The following ZNF131 variants were observed in gnomAD, a reference collection of about 807,000 sequenced individuals.
ZNF131 encodes zinc finger protein 131.
ZNF131 carries 7 observed loss-of-function variants against 60.0 expected under a neutral mutation model. The ratio of observed to expected loss-of-function variants is 0.12; its 90% CI spans 0.07 to 0.22. The LOEUF (loss-of-function observed/expected upper bound fraction) is 0.22. ZNF131 is among the 10% of genes least tolerant of loss of function. ZNF131 has a pLI of 1.00. For synonymous variants in ZNF131, 257 were observed against 253.2 expected (o/e 1.01, Z -0.14); for missense variants, 493 against 740.9 (o/e 0.67, Z 3.88).
At chr5:43,122,542 G>T (rs1171075806) in intron 2 of ZNF131, among the ~76,000 whole-genome samples, 7 of 152,122 alleles carry the variant, frequency 4.6e-5, no homozygotes, top group Admixed American at 4.6e-4. Flanking sequence ...TTTGGGAAGT[G>T]TTGATTTTTT....
chr5:43,147,664 AC>A (rs1471346167), intron 4 of ZNF131, among the ~76,000 whole-genome samples: 1 of 148,418 alleles, frequency 6.7e-6, no homozygotes, highest in Non-Finnish European at 1.5e-5. Flanking sequence ...CTCGTGATCC[AC>A]CTGCCTCGGC....
At chr5:43,137,824 A>G (rs1746320055) in intron 3 of ZNF131, among the ~76,000 whole-genome samples, 2 of 152,230 alleles carry the variant, frequency 1.3e-5, no homozygotes, top group South Asian at 2.1e-4. Flanking sequence ...GAGGAAATAA[A>G]TATTCGTCAA....
At chr5:43,144,032 C>T (rs1747234909) in intron 4 of ZNF131, among the ~76,000 whole-genome samples, 1 of 146,744 alleles carries the variant, frequency 6.8e-6, no homozygotes, top group Admixed American at 6.9e-5. Flanking sequence ...ACGCTATTCT[C>T]CTGCCTCAGC....
intron 4 of ZNF131, chr5:43,143,530 T>C (rs1252773580): frequency 3.2e-5 from 20 of 627,204 alleles, no homozygotes; most frequent in Non-Finnish European, 4.9e-5. Context: ...TCGTTTCTTA[T>C]TGTTGTTACT....
chr5:43,142,195 T>C (rs935052944), intron 4 of ZNF131, among the ~76,000 whole-genome samples: 2 of 151,084 alleles, frequency 1.3e-5, no homozygotes, highest in African/African-American at 4.9e-5. Flanking sequence ...CAAAAAAAAT[T>C]AGCCAGGCGT....
At chr5:43,145,608 G>C (rs775510650) in intron 4 of ZNF131, among the ~76,000 whole-genome samples, 6 of 151,796 alleles carry the variant, frequency 4.0e-5, no homozygotes. Flanking sequence ...AGCCAAGATC[G>C]CACCACTGCA....
intron 3 of ZNF131, among the ~76,000 whole-genome samples, chr5:43,130,499 G>A (rs940989214): frequency 2.0e-5 from 3 of 152,070 alleles, no homozygotes; most frequent in Non-Finnish European, 4.4e-5. Context: ...AATAGTGCTG[G>A]TTGTTAAATG....
At chr5:43,168,540 A>G (rs1750626100) in intron 5 of ZNF131, among the ~76,000 whole-genome samples, 1 of 152,196 alleles carries the variant, frequency 6.6e-6, no homozygotes, top group East Asian at 1.9e-4. Flanking sequence ...AGGGTAAGAA[A>G]GAGGGAGAGT....
At chr5:43,147,169 G>T (rs776976992) in intron 4 of ZNF131, among the ~76,000 whole-genome samples, 4 of 151,838 alleles carry the variant, frequency 2.6e-5, no homozygotes, top group Non-Finnish European at 5.9e-5. Flanking sequence ...CCTTTTCATT[G>T]CTGAGTAGTA....
At chr5:43,123,565 T>C (rs1744142093) in intron 3 of ZNF131, 3 of 322,400 alleles carry the variant, frequency 9.3e-6, no homozygotes, top group Non-Finnish European at 1.1e-5. Context: ...ATGGTAGATG[T>C]TGGTCTTTTC....
chr5:43,162,452 C>T (rs1410346933), intron 5 of ZNF131, among the ~76,000 whole-genome samples: 2 of 150,998 alleles, frequency 1.3e-5, no homozygotes, highest in Non-Finnish European at 2.9e-5. Flanking sequence ...ATTAGCCAGG[C>T]GTGGTGGTGG....
At chr5:43,144,419 G>A (rs959435481) in intron 4 of ZNF131, among the ~76,000 whole-genome samples, 1 of 151,474 alleles carries the variant, frequency 6.6e-6, no homozygotes, top group Admixed American at 6.6e-5. Context: ...TGGTAGAGTC[G>A]GAGTTTCACC....
At chr5:43,155,674 G>A (rs1433329210) in intron 4 of ZNF131, among the ~76,000 whole-genome samples, 1 of 152,202 alleles carries the variant, frequency 6.6e-6, no homozygotes, top group Non-Finnish European at 1.5e-5. Context: ...GAATGCCTAA[G>A]TAAGGCACAT....
At chr5:43,158,245 G>A (rs1749200174) in intron 4 of ZNF131, among the ~76,000 whole-genome samples, 1 of 152,120 alleles carries the variant, frequency 6.6e-6, no homozygotes, top group South Asian at 2.1e-4. Flanking sequence ...TGGGATTACA[G>A]GCGTGAGCCA....
intron 3 of ZNF131, among the ~76,000 whole-genome samples, chr5:43,126,955 A>G (rs751998407): frequency 6.6e-6 from 1 of 152,172 alleles, no homozygotes; most frequent in Non-Finnish European, 1.5e-5. Flanking sequence ...CTGCACAGTT[A>G]ATGAGATTTG....
intron 5 of ZNF131, among the ~76,000 whole-genome samples, chr5:43,162,374 C>G (rs991149889): frequency 9.6e-5 from 14 of 145,298 alleles, no homozygotes; most frequent in African/African-American, 3.6e-4. Context: ...GGCGGATCAC[C>G]TGAGGTCAGG....
At chr5:43,147,090 G>T (rs1747683877) in intron 4 of ZNF131, among the ~76,000 whole-genome samples, 1 of 152,072 alleles carries the variant, frequency 6.6e-6, no homozygotes, top group South Asian at 2.1e-4. Context: ...CAAAGTTCAT[G>T]TTTGACTTTA....
At position 43,129,840 on chromosome 5, in the gene ZNF131, A is replaced by C. The variant is rs188689526; in HGVS notation, c.226+6530A>C. 9.2e-5 allele frequency among the ~76,000 whole-genome samples: 14 copies of C among 152,142 alleles called. No individual in the cohort carries two copies. The East Asian group carries it at 2.7e-3, about 30-fold the overall frequency. On this transcript the variant is annotated intron_variant, in intron 3 of 6. Transcript: ENST00000682664. ...CGGCTACTTTTTGTATTTTTAGTAG[A>C]GACGGCGGGGTTTCACCATGTTGGT...
chr5:43,140,524 C>T (rs942906867), intron 4 of ZNF131, among the ~76,000 whole-genome samples: 3 of 152,154 alleles, frequency 2.0e-5, no homozygotes, highest in African/African-American at 7.2e-5. Context: ...CTAAATGACT[C>T]TGAGTACTCT....
Sources: allele counts gnomAD v4.1 joint callset (sites outside exome capture counted in the v4.1 genomes callset), GRCh38; gene constraint gnomAD v4.1.1; transcripts MANE v1.5; gene names NCBI Gene and HGNC (gene_info 2026-07-23, HGNC 2026-07-21).